The following CCDC30 variants were observed in gnomAD, a reference collection of about 807,000 sequenced individuals.
CCDC30 encodes the protein coiled-coil domain-containing protein 30.
Under a neutral mutation model 100.2 loss-of-function variants are expected in CCDC30, and 70 were observed. That is an observed-to-expected ratio of 0.70 (90% confidence interval 0.58 to 0.85). The LOEUF is 0.85. CCDC30 is among the 40% of genes least tolerant of loss of function. The pLI is 0.00. For missense variants in CCDC30, 652 were observed against 771.2 expected (o/e 0.85, Z 1.83); for synonymous variants, 233 against 269.5 (o/e 0.86, Z 1.33).
chr1:42,570,415 ATT>A (rs1249512117), intron 7 of CCDC30, among the ~76,000 whole-genome samples: 1 of 152,138 alleles, frequency 6.6e-6, no homozygotes, highest in East Asian at 1.9e-4. Flanking sequence ...CTTTTAAATC[ATT>A]TTGTTATAAA....
At chr1:42,472,637 A>G (rs943984255) in intron 1 of CCDC30, among the ~76,000 whole-genome samples, 3 of 152,060 alleles carry the variant, frequency 2.0e-5, no homozygotes, top group African/African-American at 7.2e-5. Context: ...TTTAGAACAG[A>G]CAGAAAAGCT....
intron 9 of CCDC30, among the ~76,000 whole-genome samples, chr1:42,584,543 A>G (rs538404662): frequency 6.6e-6 from 1 of 152,298 alleles, no homozygotes; most frequent in East Asian, 1.9e-4. Context: ...CAGTGAGCCA[A>G]GATGGCGCCA....
chr1:42,522,270 C>T (rs1178317079), intron 6 of CCDC30, among the ~76,000 whole-genome samples: 1 of 152,042 alleles, frequency 6.6e-6, no homozygotes, highest in African/African-American at 2.4e-5. Flanking sequence ...AGAGAGCCAA[C>T]TGTAGTTGGA....
intron 6 of CCDC30, chr1:42,510,028 G>A (rs1461525940): frequency 8.2e-6 from 8 of 978,100 alleles, no homozygotes; most frequent in Non-Finnish European, 8.5e-6. Flanking sequence ...AAAAAAGGAA[G>A]GAAAAATACC....
intron 6 of CCDC30, among the ~76,000 whole-genome samples, chr1:42,502,696 C>T (rs112212743): frequency 0.014 from 2,196 of 152,174 alleles, 48 homozygotes; most frequent in African/African-American, 0.049. Context: ...ATTTTTCTAC[C>T]TGCCCCCTCC....
intron 1 of CCDC30, among the ~76,000 whole-genome samples, chr1:42,465,181 G>A (rs1211958041): frequency 6.6e-6 from 1 of 152,138 alleles, no homozygotes; most frequent in Non-Finnish European, 1.5e-5. Flanking sequence ...GCATGGTGGA[G>A]CACTCCTGTA....
chr1:42,615,918 T>C (rs954154016), intron 11 of CCDC30, among the ~76,000 whole-genome samples: 3 of 152,140 alleles, frequency 2.0e-5, no homozygotes, highest in Non-Finnish European at 1.5e-5. Flanking sequence ...GTTTTTTGTT[T>C]TTTTGGTTTT....
intron 10 of CCDC30, among the ~76,000 whole-genome samples, chr1:42,609,721 A>C (rs915303231): frequency 1.3e-5 from 2 of 152,214 alleles, no homozygotes; most frequent in Non-Finnish European, 2.9e-5. Flanking sequence ...GTGGGCCTCG[A>C]GGACTATAGG....
intron 10 of CCDC30, among the ~76,000 whole-genome samples, chr1:42,608,716 CAAAAAAAAAA>C (rs3044834): frequency 3.6e-5 from 2 of 55,416 alleles, no homozygotes; most frequent in African/African-American, 1.5e-4. Context: ...CTCTCTGTCT[CAAAAAAAAAA>C]AAAAAAAAAA....
At chr1:42,641,423 A>G (rs563132576) in intron 12 of CCDC30, among the ~76,000 whole-genome samples, 26 of 152,012 alleles carry the variant, frequency 1.7e-4, no homozygotes, top group African/African-American at 5.8e-4. Flanking sequence ...GTGGTGGTTC[A>G]TGCCTGTAGT....
At chr1:42,564,071 C>T (rs1645555019) in intron 6 of CCDC30, among the ~76,000 whole-genome samples, 1 of 152,100 alleles carries the variant, frequency 6.6e-6, no homozygotes, top group African/African-American at 2.4e-5. Flanking sequence ...CAAGATAAAA[C>T]TAAAATAATG....
At chr1:42,501,906 A>C (rs896344870) in intron 6 of CCDC30, among the ~76,000 whole-genome samples, 2 of 152,118 alleles carry the variant, frequency 1.3e-5, no homozygotes, top group African/African-American at 4.8e-5. Flanking sequence ...GGTGTCAGGG[A>C]CCCAATTGAG....
At chr1:42,639,303 C>T (rs569497051) in intron 12 of CCDC30, among the ~76,000 whole-genome samples, 2 of 152,242 alleles carry the variant, frequency 1.3e-5, no homozygotes, top group Admixed American at 1.3e-4. Context: ...TGGAATGATA[C>T]AGCTACAAGC....
At chr1:42,460,308 G>A (rs1366337796), upstream of CCDC30, 1 of 992,880 alleles carries the variant, frequency 1.0e-6, no homozygotes, top group East Asian at 1.1e-4. Context: ...CCTGTGCTGA[G>A]CCATGAGGAT....
At position 42,642,729 on chromosome 1, in the gene CCDC30, G is replaced by A. The variant is rs574964260; in HGVS notation, c.1556+120G>A. 68 of 958,880 alleles carry A rather than the reference G, an allele frequency of 7.1e-5. No homozygotes were observed. In the South Asian group the frequency reaches 9.2e-4, roughly 13 times the overall value. The allele number at this position is 958,880 out of a possible 1,614,324, so 59.4% of individuals were successfully genotyped here. On this transcript the variant is annotated intron_variant, in intron 13 of 16. Coordinates refer to ENST00000668663, the Ensembl canonical transcript of CCDC30. Reference sequence around the variant, plus strand: ...TAGCCTACCCTATGACTCTCGCTCCGCTGTCTGCTGTTTTTGGCAGATCAT... The same window carrying A: ...TAGCCTACCCTATGACTCTCGCTCCACTGTCTGCTGTTTTTGGCAGATCAT...
intron 10 of CCDC30, among the ~76,000 whole-genome samples, chr1:42,604,672 A>G (rs921670108): frequency 6.6e-6 from 1 of 152,216 alleles, no homozygotes; most frequent in South Asian, 2.1e-4. Context: ...CTGTTCGCCA[A>G]AAGTCTATAT....
intron 3 of CCDC30, among the ~76,000 whole-genome samples, chr1:42,489,070 C>A (rs1223717097): frequency 1.3e-5 from 2 of 152,198 alleles, no homozygotes; most frequent in African/African-American, 4.8e-5. Flanking sequence ...TCCAGAATAT[C>A]CTTTCCACCT....
chr1:42,598,149 A>T (rs1037429304), intron 10 of CCDC30, among the ~76,000 whole-genome samples: 1 of 152,052 alleles, frequency 6.6e-6, no homozygotes. Context: ...CCTGTGAAAT[A>T]AATACATAAA....
At chr1:42,520,634 CTTTTTT>C (rs1181298704) in intron 6 of CCDC30, among the ~76,000 whole-genome samples, 3 of 64,772 alleles carry the variant, frequency 4.6e-5, no homozygotes, top group East Asian at 5.4e-4. Context: ...CCGGCCTCAT[CTTTTTT>C]TTTTTTTTTT....
Sources: allele counts gnomAD v4.1 joint callset (sites outside exome capture counted in the v4.1 genomes callset), GRCh38; gene constraint gnomAD v4.1.1; transcripts MANE v1.5; gene names NCBI Gene and HGNC (gene_info 2026-07-23, HGNC 2026-07-21).